RUNX1T1: variants seen among roughly 807,000 people sequenced by gnomAD.
RUNX1T1 encodes RUNX1 partner transcriptional co-repressor 1.
RUNX1T1 carries 4 observed loss-of-function variants against 62.8 expected under a neutral mutation model. That is an observed-to-expected ratio of 0.06 (90% CI 0.03 to 0.15). The LOEUF is 0.15. Ranked by LOEUF, RUNX1T1 falls within the 10% of genes least tolerant of loss-of-function variation. RUNX1T1 has a pLI of 1.00. For missense variants in RUNX1T1, 508 were observed against 754.3 expected (o/e 0.67, Z 3.82); for synonymous variants, 291 against 286.0 (o/e 1.02, Z -0.18).
At chr8:92,056,610 T>G (rs1276482516) in intron 1 of RUNX1T1, among the ~76,000 whole-genome samples, 1 of 143,718 alleles carries the variant, frequency 7.0e-6, no homozygotes, top group African/African-American at 2.6e-5. Context: ...ATCAACTGCT[T>G]TTTTTTTTTT....
At chr8:91,992,349 T>C (rs544235647) in intron 5 of RUNX1T1, among the ~76,000 whole-genome samples, 3 of 152,332 alleles carry the variant, frequency 2.0e-5, no homozygotes, top group African/African-American at 4.8e-5. Flanking sequence ...AGAGAATATC[T>C]AAGAACTGTG....
intron 9 of RUNX1T1, among the ~76,000 whole-genome samples, chr8:91,973,085 G>A (rs1346649747): frequency 1.3e-5 from 2 of 151,776 alleles, no homozygotes; most frequent in Non-Finnish European, 2.9e-5. Context: ...ATTTGCATAG[G>A]GTCTGTAGAT....
intron 7 of RUNX1T1, 87 bp from the exon 9 acceptor site, chr8:91,986,412 A>G: frequency 9.7e-7 from 1 of 1,034,398 alleles, no homozygotes; most frequent in South Asian, 1.3e-5. Flanking sequence ...CCATTTCAGG[A>G]CAATGAAGGA....
At chr8:92,062,953 T>C in exon 1 of RUNX1T1, 2 of 1,249,620 alleles carry the variant, frequency 1.6e-6, no homozygotes, top group Non-Finnish European at 2.0e-6. Flanking sequence ...AAATGCCGAA[T>C]AATTTATTCA....
intron 1 of RUNX1T1, among the ~76,000 whole-genome samples, chr8:92,076,455 T>C (rs1003216154): frequency 5.9e-5 from 9 of 152,146 alleles, no homozygotes; most frequent in Non-Finnish European, 1.0e-4. Flanking sequence ...AATGTTACAT[T>C]TTACCTGTTT....
chr8:91,987,859 G>A (rs534801464), intron 6 of RUNX1T1, among the ~76,000 whole-genome samples: 9 of 152,190 alleles, frequency 5.9e-5, no homozygotes, highest in Non-Finnish European at 1.0e-4. Flanking sequence ...AAAAGCCCCT[G>A]GGCTGTGGCA....
chr8:92,030,481 A>C (rs1312961778), intron 1 of RUNX1T1, among the ~76,000 whole-genome samples: 2 of 152,194 alleles, frequency 1.3e-5, no homozygotes, highest in Non-Finnish European at 2.9e-5. Flanking sequence ...TGGACTCCTT[A>C]TTCTCTTTAG....
Position 91,959,488 on chromosome 8 carries a change from G to GTGTATA in RUNX1T1, c.*753_*754insTATACA, listed in dbSNP as rs1405432738. On this transcript the variant is annotated 3_prime_UTR_variant, in exon 11 of 11. Coordinates refer to ENST00000396218, the Ensembl canonical transcript of RUNX1T1. ...TGTGTATATGTGCGTGTGTGTGTGT[G>GTGTATA]TATATATATATATATATATATATAT... 5 of 84,788 alleles carry GTGTATA rather than the reference G, an allele frequency of 5.9e-5. 1 individual carries two copies. Among genetic ancestry groups the GTGTATA allele is most frequent in the African/African-American group, 2.5e-4 (5 of 19,894 alleles). The allele number at this position is 84,788 out of a possible 1,614,324, so 5.3% of individuals were successfully genotyped here. A position where few individuals can be genotyped will look rare whatever the true frequency, so the allele number is the denominator to read the frequency against.
chr8:92,001,639 A>T (rs566224171), intron 5 of RUNX1T1, among the ~76,000 whole-genome samples: 14 of 152,330 alleles, frequency 9.2e-5, no homozygotes, highest in Non-Finnish European at 1.9e-4. Context: ...AGTAGGGGGT[A>T]CAAAATGGGA....
intron 5 of RUNX1T1, among the ~76,000 whole-genome samples, chr8:91,993,113 G>A (rs572188724): frequency 1.3e-5 from 2 of 152,076 alleles, no homozygotes; most frequent in African/African-American, 4.8e-5. Context: ...GTTCACAGTG[G>A]CTGCAGACAT....
At chr8:92,014,793 G>T (rs1419926771) in exon 3 of RUNX1T1, 2 of 1,612,708 alleles carry the variant, frequency 1.2e-6, no homozygotes, top group Non-Finnish European at 1.7e-6. Flanking sequence ...ATTCAAGGCT[G>T]TAGGAGAATG....
At chr8:92,077,796 T>C (rs1322185568) in intron 1 of RUNX1T1, among the ~76,000 whole-genome samples, 2 of 152,090 alleles carry the variant, frequency 1.3e-5, no homozygotes, top group Non-Finnish European at 2.9e-5. Flanking sequence ...AGTCTAAGTC[T>C]ATATCTTCCT....
In RUNX1T1 at chr8:92,005,139, GT is replaced by G; in HGVS notation, c.635del (p.Asn212ThrfsTer102). 6.2e-7 allele frequency: 1 copy of G among 1,611,778 alleles called. No individual in the cohort carries two copies. Among genetic ancestry groups the G allele is most frequent in the Admixed American group, 1.7e-5 (1 of 59,270 alleles). On this transcript the variant is annotated frameshift_variant, in exon 5 of 11. Coordinates refer to ENST00000396218, the Ensembl canonical transcript of RUNX1T1. LOFTEE classifies it high-confidence loss of function. ...ACCTGTCTGGAGTTCGCCTCTTCCC[GT>G]TTTCGTTCACATCGAGAAGCAGCTC...
intron 1 of RUNX1T1, among the ~76,000 whole-genome samples, chr8:92,054,831 T>TA (rs1468995153): frequency 6.6e-6 from 1 of 151,746 alleles, no homozygotes. Flanking sequence ...CCCTCTCTAC[T>TA]AAAATACAAC....
At chr8:91,957,756 T>G (rs1404916343), downstream of RUNX1T1, 1 of 224,928 alleles carries the variant, frequency 4.4e-6, no homozygotes, top group Non-Finnish European at 8.8e-6. Flanking sequence ...GAAAGCAGAG[T>G]GAGGTCAAAG....
chr8:91,962,859 G>C (rs1810803920), intron 10 of RUNX1T1, among the ~76,000 whole-genome samples: 1 of 152,228 alleles, frequency 6.6e-6, no homozygotes, highest in Admixed American at 6.5e-5. Flanking sequence ...ATACCCTGGT[G>C]TGAGTCCTAT....
chr8:92,032,093 CAAAAAAA>C (rs59047751), intron 1 of RUNX1T1, among the ~76,000 whole-genome samples: 4 of 29,534 alleles, frequency 1.4e-4, no homozygotes, highest in Admixed American at 4.3e-4. Flanking sequence ...AATCCTGTCT[CAAAAAAA>C]AAAAAAAAAA....
chr8:91,960,307 G>C (rs747791636), exon 11 of RUNX1T1: 1 of 1,611,184 alleles, frequency 6.2e-7, no homozygotes, highest in Non-Finnish European at 8.5e-7. Flanking sequence ...GTGGCTGCTG[G>C]TGGTGTGTCC....
In RUNX1T1 at chr8:91,960,133, T is replaced by C. The variant is rs767355113; in HGVS notation, c.*109A>G. On this transcript the variant is annotated 3_prime_UTR_variant, in exon 11 of 11. Transcript: ENST00000396218. The stretch of plus-strand genomic sequence containing the variant: ...TTGCTGAAGTACTGAAATAGGATAA[T>C]TCATCTAATAAACAAACAAACAAAA... 289 of 1,137,554 alleles carry C rather than the reference T, an allele frequency of 2.5e-4. No individual in the cohort carries two copies. In the Middle Eastern group the frequency reaches 2.6e-3, roughly 10 times the overall value. The allele number at this position is 1,137,554 out of a possible 1,614,324, so 70.5% of individuals were successfully genotyped here. A position where few individuals can be genotyped will look rare whatever the true frequency, so the allele number is the denominator to read the frequency against.
Sources: gnomAD v4.1 joint callset for allele counts (sites outside exome capture counted in the v4.1 genomes callset) on GRCh38, gnomAD v4.1.1 for gene constraint, MANE v1.5 for transcripts, NCBI Gene and HGNC (gene_info 2026-07-23, HGNC 2026-07-21) for gene names.